The following SLC35E1 variants were observed in gnomAD, a reference collection of about 807,000 sequenced individuals.
SLC35E1 encodes solute carrier family 35, member E1.
A neutral mutation model predicts 31.0 loss-of-function variants in SLC35E1; 12 were observed. The observed-to-expected ratio is 0.39, with a 90% CI of 0.25 to 0.63. The LOEUF (loss-of-function observed/expected upper bound fraction) is 0.63. Among genes scored for constraint, SLC35E1 ranks in the 20% least tolerant of loss-of-function variants. The pLI is 0.52. For missense variants in SLC35E1, 429 were observed against 572.2 expected, an observed-to-expected ratio of 0.75 and a Z score of 2.55; for synonymous variants, 257 against 264.1, an observed-to-expected ratio of 0.97 and a Z score of 0.26.
chr19:16,564,845 G>A lies in SLC35E1; in HGVS notation c.756+1687C>T, dbSNP rs1599320646. On this transcript the variant is annotated intron_variant, in intron 4 of 5. Coordinates refer to ENST00000595753, the MANE Select transcript of SLC35E1 (RefSeq NM_024881.5). The stretch of plus-strand genomic sequence containing the variant: ...TACTTCAAGGTAACAAACTAGTCCT[G>A]GAAGATGGAAAGTTCTTCACAGAAG... 2.6e-5 allele frequency among the ~76,000 whole-genome samples: 4 copies of A among 152,142 alleles called. No individual in the cohort carries two copies. The South Asian group carries it at 6.2e-4, about 24-fold the overall frequency.
At chr19:16,554,001 A>C (rs2085860137) in intron 5 of SLC35E1, 92 bp from the exon 6 acceptor site, 10 of 1,163,904 alleles carry the variant, frequency 8.6e-6, no homozygotes, top group African/African-American at 3.1e-5. Context: ...GCGGTGGCTC[A>C]CACCTGTAAT....
chr19:16,560,893 A>C (rs1284859701), intron 4 of SLC35E1, among the ~76,000 whole-genome samples: 19 of 149,758 alleles, frequency 1.3e-4, no homozygotes, highest in African/African-American at 4.6e-4. Context: ...AAAAAAAAAA[A>C]AAAAAAAGAG....
intron 4 of SLC35E1, 69 bp downstream of exon 4, chr19:16,566,463 C>T: frequency 2.5e-6 from 4 of 1,599,900 alleles, no homozygotes; most frequent in Non-Finnish European, 3.4e-6. Context: ...GCAGCTACAG[C>T]TCCTCAACAA....
chr19:16,553,786 G>A lies in SLC35E1; in HGVS notation c.1126C>T (p.Gln376Ter). The change falls in exon 6 of 6, where the codon CAG (glutamine) becomes TAG (stop). Residue 376 changes from glutamine (Q) to a stop codon, truncating the protein, a stop_gained. Coordinates refer to ENST00000595753, the MANE Select transcript of SLC35E1 (RefSeq NM_024881.5). LOFTEE classifies it low-confidence loss of function (END_TRUNC). ...CGGCCGTACTGATAGTCCCCGTGCTGGGGGAAGAGGAGGCCGTTGTGGGGC... is the reference window on the plus strand; with the variant it reads ...CGGCCGTACTGATAGTCCCCGTGCTAGGGGAAGAGGAGGCCGTTGTGGGGC... ...EKPHNGLLFP[Q>*]HGDYQYGRNN... 6.2e-7 allele frequency: 1 copy of A among 1,613,854 alleles called. No homozygotes were observed. The highest frequency in any genetic ancestry group is 8.5e-7 in the Non-Finnish European group (1 of 1,179,856).
At chr19:16,571,609 G>A (rs369637522) in intron 1 of SLC35E1, 27 bp from the exon 2 acceptor site, 1 of 1,612,636 alleles carries the variant, frequency 6.2e-7, no homozygotes, top group South Asian at 1.1e-5. Context: ...GGGCACTCAG[G>A]GGGCTGCCTG....
intron 4 of SLC35E1, among the ~76,000 whole-genome samples, chr19:16,560,880 C>CAAAAAAAAAAAAA (rs1491054404): frequency 1.1e-5 from 1 of 95,070 alleles, no homozygotes; most frequent in Admixed American, 1.0e-4. Flanking sequence ...AAAAAAAAAA[C>CAAAAAAAAAAAAA]CAAAAAAAAA....
At chr19:16,557,355 G>T (rs1037367441) in intron 4 of SLC35E1, among the ~76,000 whole-genome samples, 2 of 152,050 alleles carry the variant, frequency 1.3e-5, no homozygotes, top group African/African-American at 2.4e-5. Context: ...CACCGCGCCC[G>T]GCTAATTTTT....
chr19:16,568,137 A>G lies in SLC35E1; in HGVS notation c.525T>C (p.Gly175=). ...ACTCGGTGACGGTGGCCAGCAGGAC[A>G]CCGCTGATGATGGGGATGAGTGACA... ...VYLSLIPIIS[G]VLLATVTELS... is the part of the protein sequence containing the mutation. The change falls in exon 3 of 6, where the codon GGT becomes GGC. Residue 175 remains glycine (G), a synonymous_variant. Coordinates refer to ENST00000595753, the MANE Select transcript of SLC35E1 (RefSeq NM_024881.5). 1 of 1,613,214 alleles carries G rather than the reference A, an allele frequency of 6.2e-7. No individual in the cohort carries two copies. Among genetic ancestry groups the G allele is most frequent in the South Asian group, 1.1e-5 (1 of 91,000 alleles).
rs1201831621 is a variant in SLC35E1 at position 16,568,660 on chromosome 19, A to T, written c.493-491T>A. Among the ~76,000 whole-genome samples, 11 of 152,296 alleles carry T rather than the reference A, an allele frequency of 7.2e-5. No homozygotes were observed. The South Asian group carries it at 1.0e-3, about 14-fold the overall frequency. ...ATTCTCCTGCCTCAGACTCCCCAGTAGCTGGGATTACAGGGATGTGCCACC... is the reference window on the plus strand; with the variant it reads ...ATTCTCCTGCCTCAGACTCCCCAGTTGCTGGGATTACAGGGATGTGCCACC... On this transcript the variant is annotated intron_variant, in intron 2 of 5. Transcript: ENST00000595753.
intron 4 of SLC35E1, among the ~76,000 whole-genome samples, chr19:16,559,497 CACAG>C (rs1444505168): frequency 3.7e-5 from 5 of 133,344 alleles, no homozygotes; most frequent in African/African-American, 1.0e-4. Context: ...CACACACACA[CACAG>C]AGTTAACCAG....
In SLC35E1 at chr19:16,553,675, G is replaced by A; in HGVS notation, c.*4C>T. On this transcript the variant is annotated 3_prime_UTR_variant, in exon 6 of 6. Coordinates refer to ENST00000595753, the MANE Select transcript of SLC35E1 (RefSeq NM_024881.5). ...ACCAACAGTCTGGTCCTGTCCTTTG[G>A]ACTCTACACATCATAGCGGTTCAAA... The A allele has an allele frequency of 6.6e-7, 1 of 1,519,850 alleles. No individual in the cohort carries two copies. Among genetic ancestry groups the A allele is most frequent in the South Asian group, 1.3e-5 (1 of 76,296 alleles). The allele number at this position is 1,519,850 out of a possible 1,614,324, so 94.1% of individuals were successfully genotyped here.
At chr19:16,554,789 C>T (rs949449478) in intron 5 of SLC35E1, among the ~76,000 whole-genome samples, 3 of 139,194 alleles carry the variant, frequency 2.2e-5, no homozygotes, top group African/African-American at 8.2e-5. Context: ...CACTGCAATC[C>T]AGCCTGGGTG....
At chr19:16,559,904 A>G (rs976134196) in intron 4 of SLC35E1, among the ~76,000 whole-genome samples, 4 of 152,172 alleles carry the variant, frequency 2.6e-5, no homozygotes, top group African/African-American at 9.7e-5. Flanking sequence ...GCATATTATA[A>G]AAGTCTGGGT....
chr19:16,566,383 G>A, intron 4 of SLC35E1, 149 bp downstream of exon 4: 1 of 980,434 alleles, frequency 1.0e-6, no homozygotes. Context: ...GTCACCGTGA[G>A]GCATTACAGA....
chr19:16,553,523 C>T lies in SLC35E1; in HGVS notation c.*156G>A, dbSNP rs940899970. 19 of 600,328 alleles carry T rather than the reference C, an allele frequency of 3.2e-5. No homozygotes were observed. The highest frequency in any genetic ancestry group is 1.9e-4 in the East Asian group (6 of 31,384). 37.2% of individuals were successfully genotyped at this position (600,328 alleles called of 1,614,324 possible). A position where few individuals can be genotyped will look rare whatever the true frequency, so the allele number is the denominator to read the frequency against. ...GCACTGCAGGCAACGCATCCTCCTG[C>T]GGCTCACGGGGGGCCAGGAACCCCA... On this transcript the variant is annotated 3_prime_UTR_variant, in exon 6 of 6. Coordinates refer to ENST00000595753, the MANE Select transcript of SLC35E1 (RefSeq NM_024881.5).
Position 16,571,598 on chromosome 19 carries a change from T to C in SLC35E1, c.422-16A>G, listed in dbSNP as rs2085958696. The C allele has an allele frequency of 6.2e-7, 1 of 1,613,494 alleles. No homozygotes were observed. The highest frequency in any genetic ancestry group is 8.5e-7 in the Non-Finnish European group (1 of 1,179,892). On this transcript the variant is annotated splice_polypyrimidine_tract_variant and intron_variant, in intron 1 of 5. Coordinates refer to ENST00000595753, the MANE Select transcript of SLC35E1 (RefSeq NM_024881.5). ...GTGGCCTTGACTGCAAAGAGAGGGA[T>C]GGGCACTCAGGGGGCTGCCTGAATT...
At chr19:16,561,273 G>A (rs1042455491) in intron 4 of SLC35E1, among the ~76,000 whole-genome samples, 5 of 146,328 alleles carry the variant, frequency 3.4e-5, no homozygotes, top group African/African-American at 1.3e-4. Context: ...AGCCTAACAG[G>A]GGATTTCCTC....
chr19:16,571,637 T>C (rs2122354454), intron 1 of SLC35E1, 55 bp from the exon 2 acceptor site: 1 of 1,582,644 alleles, frequency 6.3e-7, no homozygotes, highest in Non-Finnish European at 8.7e-7. Context: ...GGGCCCAACC[T>C]GTTCCACCTC....
intron 1 of SLC35E1, 24 bp from the exon 2 acceptor site, chr19:16,571,606 C>G (rs1568275942): frequency 6.2e-6 from 10 of 1,612,908 alleles, no homozygotes; most frequent in Non-Finnish European, 8.5e-6. Flanking sequence ...GATGGGCACT[C>G]AGGGGGCTGC....
Sources: gnomAD v4.1 joint callset for allele counts (sites outside exome capture counted in the v4.1 genomes callset) on GRCh38, gnomAD v4.1.1 for gene constraint, MANE v1.5 for transcripts, NCBI Gene and HGNC (gene_info 2026-07-23, HGNC 2026-07-21) for gene names.